The following LIPG variants were observed in gnomAD, a reference collection of about 807,000 sequenced individuals.
LIPG encodes the protein endothelial lipase.
In LIPG, 34 loss-of-function variants were observed where a neutral mutation model predicts 51.8. The observed-to-expected ratio is 0.66, with a 90% CI of 0.50 to 0.87. The LOEUF is 0.87. Ranked by LOEUF, LIPG falls within the 40% of genes least tolerant of loss-of-function variation. LIPG has a pLI of 0.00. For missense variants in LIPG, 580 were observed against 652.7 expected, an observed-to-expected ratio of 0.89 and a Z score of 1.21; for synonymous variants, 246 against 246.1, an observed-to-expected ratio of 1.00 and a Z score of 0.00.
At chr18:49,590,213 TGTGG>T (rs1016125404) in intron 9 of LIPG, 4 of 468,882 alleles carry the variant, frequency 8.5e-6, no homozygotes, top group African/African-American at 6.3e-5. Flanking sequence ...GTGTGTATGT[TGTGG>T]GTGGATAATA....
rs962800312 is a variant in LIPG at position 49,595,879 on chromosome 18, C to T, written c.*5357C>T. 7.9e-5 allele frequency: 12 copies of T among 151,856 alleles called. No homozygotes were observed. The highest frequency in any genetic ancestry group is 1.2e-4 in the African/African-American group (5 of 41,338). The allele number at this position is 151,856 out of a possible 1,614,324, so 9.4% of individuals were successfully genotyped here. On this transcript the variant is annotated 3_prime_UTR_variant, in exon 10 of 10. Coordinates refer to ENST00000261292, the MANE Select transcript of LIPG (RefSeq NM_006033.4). ...AAATAAAATCCTTTCCACATATATG[C>T]GGAAATTTTATGTATGATAAAAGGG...
chr18:49,567,713 A>T, intron 3 of LIPG, 92 bp downstream of exon 3: 5 of 1,261,724 alleles, frequency 4.0e-6, no homozygotes, highest in South Asian at 1.3e-5. Flanking sequence ...GTTGCCATGA[A>T]CTTCTGGAGT....
chr18:49,573,972 C>A (rs993019656), intron 4 of LIPG, among the ~76,000 whole-genome samples: 46 of 152,292 alleles, frequency 3.0e-4, no homozygotes, highest in African/African-American at 1.1e-3. Flanking sequence ...TATTCCTGGC[C>A]TGGCCCTGCT....
In LIPG at chr18:49,583,592, C is replaced by T. The variant is rs201429079; in HGVS notation, c.1194C>T (p.Phe398=). The change falls in exon 8 of 10, where the codon TTC becomes TTT. Residue 398 remains phenylalanine, a synonymous_variant. Coordinates refer to ENST00000261292, the MANE Select transcript of LIPG (RefSeq NM_006033.4). ...ERIEQNATNT[F]LVYTEEDLGD... Reference sequence around the variant, plus strand: ...TCGAGCAGAATGCCACCAACACCTTCCTGGTCTACACCGAGGAGGACTTGG... The same window carrying T: ...TCGAGCAGAATGCCACCAACACCTTTCTGGTCTACACCGAGGAGGACTTGG... The T allele has an allele frequency of 1.3e-4, 213 of 1,614,066 alleles. No homozygotes were observed. The highest frequency in any genetic ancestry group is 1.7e-4 in the Non-Finnish European group (202 of 1,180,046).
chr18:49,583,476 A>G, intron 7 of LIPG, 80 bp from the exon 8 acceptor site: 6 of 1,128,336 alleles, frequency 5.3e-6, no homozygotes, highest in Non-Finnish European at 8.1e-6. Context: ...TGGGGTTGTT[A>G]CTGCCACTGT....
Position 49,582,425 on chromosome 18 carries a change from C to A in LIPG, c.1100C>A (p.Thr367Asn), listed in dbSNP as rs2084829707. The A allele has an allele frequency of 1.2e-6, 2 of 1,614,062 alleles. No homozygotes were observed. The highest frequency in any genetic ancestry group is 1.7e-6 in the Non-Finnish European group (2 of 1,180,012). ...SYKNMGEIEPTFYVTLYGTNA... is the reference protein window; with the variant it reads ...SYKNMGEIEPNFYVTLYGTNA... ...AAGAACATGGGAGAAATTGAGCCCA[C>A]CTTTTACGTCACCCTTTATGGCACT... The change falls in exon 7 of 10, where the codon ACC becomes AAC. Residue 367 changes from threonine to asparagine, a missense_variant. Coordinates refer to ENST00000261292, the MANE Select transcript of LIPG (RefSeq NM_006033.4).
At chr18:49,563,731 C>T (rs1253762771) in intron 1 of LIPG, among the ~76,000 whole-genome samples, 1 of 151,912 alleles carries the variant, frequency 6.6e-6, no homozygotes, top group Non-Finnish European at 1.5e-5. Context: ...GAGAAGGAGC[C>T]ATGAGGACAT....
At chr18:49,578,777 T>C (rs1356700916) in intron 5 of LIPG, among the ~76,000 whole-genome samples, 2 of 150,920 alleles carry the variant, frequency 1.3e-5, no homozygotes, top group Non-Finnish European at 3.0e-5. Flanking sequence ...TCCCGGCACC[T>C]CGGGAGGCCA....
intron 9 of LIPG, 70 bp from the exon 10 acceptor site, chr18:49,590,431 C>G (rs1036008638): frequency 1.3e-6 from 2 of 1,531,026 alleles, no homozygotes; most frequent in Non-Finnish European, 1.8e-6. Flanking sequence ...AAGAGCACAC[C>G]CTGAATACAG....
At position 49,596,290 on chromosome 18, in the gene LIPG, A is replaced by C. The variant is rs2084981813; in HGVS notation, c.*5768A>C. On this transcript the variant is annotated 3_prime_UTR_variant, in exon 10 of 10. Coordinates refer to ENST00000261292, the MANE Select transcript of LIPG (RefSeq NM_006033.4). ...TGTAAAACGTCACAATTAGAATAAG[A>C]AAATTTAAATAGAACAATGAATATT... 1 of 152,212 alleles carries C rather than the reference A, an allele frequency of 6.6e-6. No individual in the cohort carries two copies. The highest frequency in any genetic ancestry group is 2.1e-4 in the South Asian group (1 of 4,834). The allele number at this position is 152,212 out of a possible 1,614,324, so 9.4% of individuals were successfully genotyped here.
chr18:49,583,689 C>T lies in LIPG; in HGVS notation c.1291C>T (p.Arg431Cys), dbSNP rs536799767. The change falls in exon 8 of 10, where the codon CGC becomes TGC. Residue 431 changes from arginine (R) to cysteine (C), a missense_variant. By Grantham distance (180) the Arg-to-Cys change is radical (BLOSUM62 -3). Transcript: ENST00000261292. Reference sequence around the variant, plus strand: ...TTGGTACAACCTGTGGAAGGAGTTTCGCAGCTACCTGTCTCAACCCCGCAA... The same window carrying T: ...TTGGTACAACCTGTGGAAGGAGTTTTGCAGCTACCTGTCTCAACCCCGCAA... ...QSWYNLWKEF[R>C]SYLSQPRNPG... 7.4e-6 allele frequency: 12 copies of T among 1,614,184 alleles called. No individual in the cohort carries two copies. The Admixed American group carries it at 1.2e-4, about 16-fold the overall frequency.
chr18:49,575,768 G>C (rs1197860872), intron 5 of LIPG, among the ~76,000 whole-genome samples, 178 bp downstream of exon 5: 1 of 151,386 alleles, frequency 6.6e-6, no homozygotes, highest in Non-Finnish European at 1.5e-5. Flanking sequence ...CAACCCAGTG[G>C]TTCCTGCTTT....
rs1467300991 is a variant in LIPG at position 49,581,512 on chromosome 18, C to T, written c.891C>T (p.Cys297=). The T allele has an allele frequency of 2.5e-6, 4 of 1,614,088 alleles. No homozygotes were observed. The Admixed American group carries it at 5.0e-5, about 20-fold the overall frequency. ...ACAAGCCGAGTTTTGCCTTCCAGTG[C>T]ACTGACTCCAATCGCTTCAAAAAGG... ...NQDKPSFAFQ[C]TDSNRFKKGI... The change falls in exon 6 of 10, where the codon TGC becomes TGT. Residue 297 remains cysteine, a synonymous_variant. Transcript: ENST00000261292.
chr18:49,569,958 C>A (rs1318984755), intron 4 of LIPG, among the ~76,000 whole-genome samples: 1 of 152,222 alleles, frequency 6.6e-6, no homozygotes, highest in African/African-American at 2.4e-5. Context: ...GGGCAAACAG[C>A]TAATAACTCA....
intron 1 of LIPG, 72 bp downstream of exon 1, chr18:49,562,477 CA>C (rs1365989629): frequency 1.5e-6 from 2 of 1,302,942 alleles, no homozygotes; most frequent in Non-Finnish European, 2.2e-6. Flanking sequence ...GCTGATTCTT[CA>C]AACCCTCCTT....
intron 1 of LIPG, among the ~76,000 whole-genome samples, chr18:49,563,820 T>C (rs2084575510): frequency 6.6e-6 from 1 of 151,948 alleles, no homozygotes. Flanking sequence ...CTAGAGAACT[T>C]TGGGGTCAGA....
Position 49,565,430 on chromosome 18 carries a change from A to G in LIPG, c.211A>G (p.Ser71Gly). Residue 71 changes from serine (S) to glycine (G), a missense_variant, in exon 2 of 10, where the codon AGC (serine) becomes GGC (glycine). Ser to Gly is a moderately conservative substitution (Grantham distance 56, BLOSUM62 0). Transcript: ENST00000261292. The stretch of plus-strand genomic sequence containing the variant: ...AGGATGCTACCTCTCCGTCGGCCAC[A>G]GCCAGCCCTTAGAAGACTGCAGTTT... ...HEGCYLSVGH[S>G]QPLEDCSFNM... 3.1e-6 allele frequency: 5 copies of G among 1,614,252 alleles called. No homozygotes were observed. The highest frequency in any genetic ancestry group is 3.4e-6 in the Non-Finnish European group (4 of 1,180,048).
intron 9 of LIPG, among the ~76,000 whole-genome samples, chr18:49,588,364 C>T (rs1471970528): frequency 6.6e-6 from 1 of 150,404 alleles, no homozygotes; most frequent in Non-Finnish European, 1.5e-5. Flanking sequence ...CTTACTACAA[C>T]CTCCGCCTCC....
rs180733505 is a variant in LIPG at position 49,590,388 on chromosome 18, T to C, written c.1482-113T>C. ...AAGGAATACATGTAAAATAGTCCCA[T>C]AGGGGTGTCAGAAAGCTTGGCCTTA... On this transcript the variant is annotated intron_variant, in intron 9 of 9. Transcript: ENST00000261292. The C allele has an allele frequency of 1.8e-4, 191 of 1,082,948 alleles. No individual in the cohort carries two copies. In the African/African-American group the frequency reaches 2.8e-3, roughly 16 times the overall value. 67.1% of individuals were successfully genotyped at this position (1,082,948 alleles called of 1,614,324 possible).
Sources: allele counts gnomAD v4.1 joint callset (sites outside exome capture counted in the v4.1 genomes callset), GRCh38; gene constraint gnomAD v4.1.1; transcripts MANE v1.5; gene names NCBI Gene and HGNC (gene_info 2026-07-23, HGNC 2026-07-21).